The following HPSE2 variants were observed in gnomAD, a reference collection of about 807,000 sequenced individuals.
HPSE2 encodes inactive heparanase-2.
HPSE2 carries 38 observed loss-of-function variants against 60.5 expected under a neutral mutation model. The observed-to-expected ratio is 0.63, with a 90% CI of 0.48 to 0.82. HPSE2 has a LOEUF of 0.82. Among genes scored for constraint, HPSE2 ranks in the 40% least tolerant of loss-of-function variants. HPSE2 has a pLI of 0.00. For missense variants in HPSE2, 713 were observed against 740.4 expected (o/e 0.96, Z 0.43); for synonymous variants, 295 against 293.2 (o/e 1.01, Z -0.06).
At chr10:98,929,616 G>T (rs2135103560) in intron 3 of HPSE2, among the ~76,000 whole-genome samples, 1 of 143,676 alleles carries the variant, frequency 7.0e-6, no homozygotes, top group Non-Finnish European at 1.5e-5. Context: ...TAAGAGGCTT[G>T]CTCTGGAGTG....
chr10:98,536,082 A>G (rs1325293545), intron 9 of HPSE2, among the ~76,000 whole-genome samples: 2 of 152,344 alleles, frequency 1.3e-5, no homozygotes, highest in South Asian at 2.1e-4. Flanking sequence ...ATTTGGGTCC[A>G]GAGCTGGTCT....
the HPSE2 span, among the ~76,000 whole-genome samples, chr10:99,290,737 G>C: frequency 1.3e-5 from 2 of 152,158 alleles, no homozygotes; most frequent in Admixed American, 1.3e-4. Context: ...ATTTCTCCAA[G>C]CCTCAGTTTA....
At chr10:98,549,451 A>G (rs766402614) in intron 9 of HPSE2, among the ~76,000 whole-genome samples, 1 of 152,018 alleles carries the variant, frequency 6.6e-6, no homozygotes, top group African/African-American at 2.4e-5. Context: ...AATTCTCTAC[A>G]TCTTATATCT....
intron 3 of HPSE2, among the ~76,000 whole-genome samples, chr10:98,862,344 GA>G (rs1304126124): frequency 6.6e-6 from 1 of 152,104 alleles, no homozygotes; most frequent in African/African-American, 2.4e-5. Flanking sequence ...CTTAGAAACA[GA>G]AAAATCCCTA....
At chr10:98,685,171 A>G (rs1298801325) in intron 6 of HPSE2, among the ~76,000 whole-genome samples, 1 of 152,182 alleles carries the variant, frequency 6.6e-6, no homozygotes, top group Non-Finnish European at 1.5e-5. Context: ...GTTTTGAGGC[A>G]TTTCAAAATA....
chr10:98,610,478 G>C (rs1049188884), intron 9 of HPSE2, among the ~76,000 whole-genome samples: 1 of 152,198 alleles, frequency 6.6e-6, no homozygotes, highest in Admixed American at 6.5e-5. Flanking sequence ...CCATAGACTA[G>C]TGAATTGTAC....
chr10:99,014,281 G>A (rs145072861), intron 3 of HPSE2, among the ~76,000 whole-genome samples: 1 of 152,186 alleles, frequency 6.6e-6, no homozygotes, highest in Non-Finnish European at 1.5e-5. Flanking sequence ...TCCCTGCAAA[G>A]GACATGATCT....
At chr10:98,531,328 G>A (rs1035083233) in intron 9 of HPSE2, among the ~76,000 whole-genome samples, 10 of 152,264 alleles carry the variant, frequency 6.6e-5, no homozygotes, top group African/African-American at 2.2e-4. Flanking sequence ...GAACAGAAAC[G>A]GCTAAGCTCT....
intron 4 of HPSE2, among the ~76,000 whole-genome samples, chr10:98,741,139 G>T (rs528984004): frequency 6.6e-6 from 1 of 151,944 alleles, no homozygotes; most frequent in South Asian, 2.1e-4. Flanking sequence ...AAATAGAAAG[G>T]CACTCTAAGG....
chr10:99,172,371 C>G (rs73333757), intron 2 of HPSE2, among the ~76,000 whole-genome samples: 2,818 of 152,276 alleles, frequency 0.019, 97 homozygotes, highest in African/African-American at 0.064. Context: ...AGCTAGGAGC[C>G]TTGTGAAGAA....
intron 9 of HPSE2, among the ~76,000 whole-genome samples, chr10:98,538,380 C>G (rs1022652958): frequency 6.6e-6 from 1 of 152,134 alleles, no homozygotes; most frequent in African/African-American, 2.4e-5. Context: ...CTGACAATCT[C>G]GAACCTTCCT....
chr10:98,721,896 C>T, intron 4 of HPSE2, 68 bp from the exon 5 acceptor site: 1 of 1,244,066 alleles, frequency 8.0e-7, no homozygotes, highest in South Asian at 1.2e-5. Flanking sequence ...TTCCTGTCCA[C>T]AGATCTCTCT....
intron 5 of HPSE2, among the ~76,000 whole-genome samples, 166 bp from the exon 6 acceptor site, chr10:98,694,113 C>G (rs768211508): frequency 8.5e-5 from 13 of 152,178 alleles, no homozygotes; most frequent in Admixed American, 2.0e-4. Context: ...TATTGGAGGT[C>G]AAACTATACA....
intron 9 of HPSE2, among the ~76,000 whole-genome samples, chr10:98,581,953 T>C (rs1176558580): frequency 6.6e-6 from 1 of 151,622 alleles, no homozygotes; most frequent in Admixed American, 6.6e-5. Context: ...AGTTGTTTAG[T>C]GGGTCCCCTA....
the HPSE2 span, among the ~76,000 whole-genome samples, chr10:99,292,136 A>T: frequency 6.6e-6 from 1 of 152,208 alleles, no homozygotes; most frequent in Non-Finnish European, 1.5e-5. Context: ...ATGTCCAAAA[A>T]GTAGAAGAGT....
the HPSE2 span, among the ~76,000 whole-genome samples, chr10:99,276,837 G>T: frequency 3.3e-5 from 5 of 152,092 alleles, no homozygotes; most frequent in Admixed American, 1.3e-4. Flanking sequence ...TTAGGTACTG[G>T]AAAGAATACT....
At chr10:99,196,164 A>G (rs1848391147) in intron 2 of HPSE2, among the ~76,000 whole-genome samples, 1 of 152,164 alleles carries the variant, frequency 6.6e-6, no homozygotes, top group Non-Finnish European at 1.5e-5. Context: ...ATGCAGAAGA[A>G]TAAAACTAGG....
At chr10:99,077,302 TC>T (rs1842979867) in intron 3 of HPSE2, among the ~76,000 whole-genome samples, 2 of 152,186 alleles carry the variant, frequency 1.3e-5, no homozygotes, top group South Asian at 4.1e-4. Flanking sequence ...TAAGCTTTCT[TC>T]CCCCTTTCTC....
intron 2 of HPSE2, among the ~76,000 whole-genome samples, chr10:99,165,991 T>G (rs1464159641): frequency 8.6e-6 from 1 of 116,886 alleles, no homozygotes; most frequent in African/African-American, 2.5e-5. Flanking sequence ...ACTTTGTTGT[T>G]TTTTGGTTTT....
Sources: gnomAD v4.1 joint callset for allele counts (sites outside exome capture counted in the v4.1 genomes callset) on GRCh38, gnomAD v4.1.1 for gene constraint, MANE v1.5 for transcripts, NCBI Gene and HGNC (gene_info 2026-07-23, HGNC 2026-07-21) for gene names.